ARHGEF1: variants seen among roughly 807,000 people sequenced by gnomAD.
The protein encoded by ARHGEF1 is Rho guanine nucleotide exchange factor 1.
Under a neutral mutation model 119.7 loss-of-function variants are expected in ARHGEF1, and 40 were observed. The ratio of observed to expected loss-of-function variants is 0.33; its 90% CI spans 0.26 to 0.44. The LOEUF (loss-of-function observed/expected upper bound fraction) is 0.44. Ranked by LOEUF, ARHGEF1 falls within the 20% of genes least tolerant of loss-of-function variation. The pLI is 1.00. For synonymous variants in ARHGEF1, 494 were observed against 521.0 expected, an observed-to-expected ratio of 0.95 and a Z score of 0.71; for missense variants, 976 against 1,268.3, an observed-to-expected ratio of 0.77 and a Z score of 3.50.
chr19:41,915,941 C>G (rs577804820), intron 18 of ARHGEF1, among the ~76,000 whole-genome samples: 7 of 152,122 alleles, frequency 4.6e-5, no homozygotes, highest in Non-Finnish European at 7.4e-5. Flanking sequence ...CACCCCCCTC[C>G]CCCCCGCCGG....
At position 41,888,204 on chromosome 19, in the gene ARHGEF1, C is replaced by T; in HGVS notation, c.37C>T (p.Pro13Ser). 1.2e-6 allele frequency: 2 copies of T among 1,614,158 alleles called. No homozygotes were observed. Among genetic ancestry groups the T allele is most frequent in the Non-Finnish European group, 1.7e-6 (2 of 1,180,012 alleles). The change falls in exon 3 of 29, where the codon CCC (proline) becomes TCC (serine). Residue 13 changes from proline (P) to serine (S), a missense_variant. By Grantham distance (74) the Pro-to-Ser change is moderately conservative. Around this residue, in one of 3 missense-constraint regions of ARHGEF1, gnomAD observed 519 missense variants for 580.9 expected, o/e 0.89. Coordinates refer to ENST00000354532, the MANE Select transcript of ARHGEF1 (RefSeq NM_004706.4). This position sits in a 1 kb window ranked among gnomAD's most constrained non-coding sequence, Gnocchi z 5.1. The part of the protein sequence containing the change: ...DFARGAASPG[P>S]SRPGLVPVSI... ...TCCCTTTCCACAGGCCTCCCCAGGC[C>T]CCTCCCGGCCTGGCCTGGTTCCCGT...
chr19:41,897,376 C>A, intron 13 of ARHGEF1: 1 of 1,188,566 alleles, frequency 8.4e-7, no homozygotes, highest in African/African-American at 1.6e-5. Flanking sequence ...TCCCCCATTT[C>A]TCCCAGCCCC....
chr19:41,888,788 G>A lies in ARHGEF1; in HGVS notation c.148G>A (p.Glu50Lys), dbSNP rs782796255. 6.2e-7 allele frequency: 1 copy of A among 1,614,100 alleles called. No homozygotes were observed. The highest frequency in any genetic ancestry group is 1.7e-5 in the Admixed American group (1 of 60,012). ...EEQNSQFQSLEQVKRRPAHLM... is the reference protein window; with the variant it reads ...EEQNSQFQSLKQVKRRPAHLM... The stretch of plus-strand genomic sequence containing the variant: ...GCAAAACAGCCAGTTCCAGAGCCTG[G>A]AGCAGGTGAAGCGGCGCCCAGCCCA... The change falls in exon 4 of 29, where the codon GAG becomes AAG. Residue 50 changes from glutamate to lysine, a missense_variant. Transcript: ENST00000354532. The surrounding 1 kb of genome is among the most constrained non-coding windows in gnomAD (Gnocchi z 5.1).
rs571974162 is a variant in ARHGEF1 at position 41,903,767 on chromosome 19, A to C, written c.1900A>C (p.Met634Leu). Residue 634 changes from methionine (M) to leucine (L), a missense_variant, in exon 20 of 29, where the codon ATG (methionine) becomes CTG (leucine). Coordinates refer to ENST00000354532, the MANE Select transcript of ARHGEF1 (RefSeq NM_004706.4). This position sits in a 1 kb window ranked among gnomAD's most constrained non-coding sequence, Gnocchi z 4.2. ...CCACCTTCGGCAGAGCAGCGACCCT[A>C]TGCTGAGCGAGTTCAAGGTGTGACC... ...LSHLRQSSDP[M>L]LSEFKNLDIT... 6.2e-7 allele frequency: 1 copy of C among 1,613,082 alleles called. No individual in the cohort carries two copies. Among genetic ancestry groups the C allele is most frequent in the South Asian group, 1.1e-5 (1 of 91,082 alleles).
In ARHGEF1 at chr19:41,903,639, A is replaced by G. The variant is rs2074640948; in HGVS notation, c.1840-68A>G. ...AGTTGGTCTTGGCTCTCATCTTACC[A>G]ATGTGGGTCACTGCAGGTCAGCCCC... On this transcript the variant is annotated intron_variant, in intron 19 of 28. Transcript: ENST00000354532. This position sits in a 1 kb window ranked among gnomAD's most constrained non-coding sequence, Gnocchi z 4.2. 4 of 1,533,510 alleles carry G rather than the reference A, an allele frequency of 2.6e-6. No homozygotes were observed. In the African/African-American group the frequency reaches 5.5e-5, roughly 21 times the overall value. 95.0% of individuals were successfully genotyped at this position (1,533,510 alleles called of 1,614,324 possible).
At chr19:41,921,079 G>T (rs782437181), upstream of ARHGEF1, among the ~76,000 whole-genome samples, 1 of 152,190 alleles carries the variant, frequency 6.6e-6, no homozygotes, top group Non-Finnish European at 1.5e-5. The surrounding 1 kb of genome is among the most constrained non-coding windows in gnomAD (Gnocchi z 4.4). Context: ...CCGGGGAGGT[G>T]GGAGCCGCAG....
intron 12 of ARHGEF1, 56 bp from the exon 13 acceptor site, chr19:41,896,321 G>A: frequency 1.1e-6 from 1 of 949,082 alleles, no homozygotes; most frequent in Non-Finnish European, 1.4e-6. Context: ...CCCCCAGAGT[G>A]TGGGTCTCGT....
downstream of ARHGEF1, among the ~76,000 whole-genome samples, chr19:41,909,661 C>T (rs2074741447): frequency 6.6e-6 from 1 of 152,118 alleles, no homozygotes; most frequent in Admixed American, 6.5e-5. This position sits in a 1 kb window ranked among gnomAD's most constrained non-coding sequence, Gnocchi z 5.2. Flanking sequence ...GGGGACCCTG[C>T]CCTGCAAGAC....
rs1555849148 is a variant in ARHGEF1 at position 41,902,225 on chromosome 19, A to G, written c.1415-49A>G. ...CACCACACCGCAGCAGGCCCCGCAC[A>G]GCATCTTCCAGACCCTGGTGGAGCA... On this transcript the variant is annotated intron_variant, in intron 15 of 28. Coordinates refer to ENST00000354532, the MANE Select transcript of ARHGEF1 (RefSeq NM_004706.4). The surrounding 1 kb of genome is among the most constrained non-coding windows in gnomAD (Gnocchi z 6.5). 1 of 1,609,184 alleles carries G rather than the reference A, an allele frequency of 6.2e-7. No individual in the cohort carries two copies. Among genetic ancestry groups the G allele is most frequent in the Non-Finnish European group, 8.5e-7 (1 of 1,176,196 alleles).
chr19:41,888,409 C>T lies in ARHGEF1; in HGVS notation c.111+131C>T. On this transcript the variant is annotated intron_variant, in intron 3 of 28. Transcript: ENST00000354532. This position sits in a 1 kb window ranked among gnomAD's most constrained non-coding sequence, Gnocchi z 5.1. ...TCTCATCCTCTCATCTCCCTGGTAC[C>T]TCCTTCCTCACCTCGCCGACCCCAC... The T allele has an allele frequency of 1.1e-6, 1 of 898,544 alleles. No individual in the cohort carries two copies. The highest frequency in any genetic ancestry group is 1.6e-5 in the South Asian group (1 of 62,906). The allele number at this position is 898,544 out of a possible 1,614,324, so 55.7% of individuals were successfully genotyped here.
At chr19:41,901,233 T>TCTGTCTCC (rs1195272437) in intron 14 of ARHGEF1, among the ~76,000 whole-genome samples, 1 of 151,916 alleles carries the variant, frequency 6.6e-6, no homozygotes, top group Non-Finnish European at 1.5e-5. Flanking sequence ...CACTGCAACC[T>TCTGTCTCC]CTGTCTCCCG....
Position 41,903,973 on chromosome 19 carries a change from T to TC in ARHGEF1, c.1918-58dup. 6 of 1,311,440 alleles carry TC rather than the reference T, an allele frequency of 4.6e-6. No homozygotes were observed. The highest frequency in any genetic ancestry group is 3.5e-5 in the Admixed American group (2 of 57,832). The allele number at this position is 1,311,440 out of a possible 1,614,324, so 81.2% of individuals were successfully genotyped here. A position where few individuals can be genotyped will look rare whatever the true frequency, so the allele number is the denominator to read the frequency against. On this transcript the variant is annotated intron_variant, in intron 20 of 28. Transcript: ENST00000354532. This position sits in a 1 kb window ranked among gnomAD's most constrained non-coding sequence, Gnocchi z 4.2. ...CCCGGCCACTGCCCTGCCCTTCCCC[T>TC]CCCCACCAACCCCAATCACCCCCTG... is the stretch of plus-strand genomic sequence containing the variant.
intron 18 of ARHGEF1, among the ~76,000 whole-genome samples, chr19:41,915,190 C>G (rs979033412): frequency 3.6e-5 from 5 of 138,048 alleles, no homozygotes; most frequent in African/African-American, 5.6e-5. Flanking sequence ...CTCTTCCCGA[C>G]GCTTTCAACT....
At position 41,888,970 on chromosome 19, in the gene ARHGEF1, G is replaced by A; in HGVS notation, c.225+105G>A. 1 of 922,442 alleles carries A rather than the reference G, an allele frequency of 1.1e-6. No homozygotes were observed. Among genetic ancestry groups the A allele is most frequent in the Non-Finnish European group, 1.6e-6 (1 of 614,578 alleles). The allele number at this position is 922,442 out of a possible 1,614,324, so 57.1% of individuals were successfully genotyped here. The stretch of plus-strand genomic sequence containing the variant: ...AGTGCCTGGAGGGTCTGGAAAAGCA[G>A]ATCTAGAACACAGAGAGCCAGATCT... On this transcript the variant is annotated intron_variant, in intron 4 of 28. Coordinates refer to ENST00000354532, the MANE Select transcript of ARHGEF1 (RefSeq NM_004706.4). This position sits in a 1 kb window ranked among gnomAD's most constrained non-coding sequence, Gnocchi z 5.1.
Position 41,907,117 on chromosome 19 carries a change from AAGG to A in ARHGEF1, c.*33_*35del, listed in dbSNP as rs2074715212. The A allele has an allele frequency of 2.6e-6, 4 of 1,526,174 alleles. No homozygotes were observed. In the African/African-American group the frequency reaches 5.5e-5, roughly 21 times the overall value. 94.5% of individuals were successfully genotyped at this position (1,526,174 alleles called of 1,614,324 possible). A position where few individuals can be genotyped will look rare whatever the true frequency, so the allele number is the denominator to read the frequency against. On this transcript the variant is annotated 3_prime_UTR_variant, in exon 29 of 29. Coordinates refer to ENST00000354532, the MANE Select transcript of ARHGEF1 (RefSeq NM_004706.4). ...CTACATCCCCCAGGCCTTTTGCAAG[AAGG>A]AGAGGAATGGGGGAGAGGACGTGAG...
In ARHGEF1 at chr19:41,905,508, CGT is replaced by C. The variant is rs2074678189; in HGVS notation, c.2337-248_2337-247del. On this transcript the variant is annotated intron_variant, in intron 24 of 28. Coordinates refer to ENST00000354532, the MANE Select transcript of ARHGEF1 (RefSeq NM_004706.4). The surrounding 1 kb of genome is among the most constrained non-coding windows in gnomAD (Gnocchi z 6.4). ...GTGTGTGTATGCATATGTGTGCATGCGTGTGACAGCATGTGCATGCATGTGTG... is the reference window on the plus strand; with the variant it reads ...GTGTGTGTATGCATATGTGTGCATGCGTGACAGCATGTGCATGCATGTGTG... 2.3e-5 allele frequency: 14 copies of C among 612,786 alleles called. No individual in the cohort carries two copies. The East Asian group carries it at 3.0e-4, about 13-fold the overall frequency. 38.0% of individuals were successfully genotyped at this position (612,786 alleles called of 1,614,324 possible). A position where few individuals can be genotyped will look rare whatever the true frequency, so the allele number is the denominator to read the frequency against.
chr19:41,904,115 G>A lies in ARHGEF1; in HGVS notation c.1993+5G>A. On this transcript the variant is annotated splice_donor_5th_base_variant and intron_variant, in intron 21 of 28. Coordinates refer to ENST00000354532, the MANE Select transcript of ARHGEF1 (RefSeq NM_004706.4). The surrounding 1 kb of genome is among the most constrained non-coding windows in gnomAD (Gnocchi z 8.4). Reference sequence around the variant, plus strand: ...TGACTAAGGACAAGGCAGTGGGTGAGTGCCAGAGCAGCTGCCTAGTGCAGG... The same window carrying A: ...TGACTAAGGACAAGGCAGTGGGTGAATGCCAGAGCAGCTGCCTAGTGCAGG... The A allele has an allele frequency of 3.1e-6, 5 of 1,614,220 alleles. No homozygotes were observed. Among genetic ancestry groups the A allele is most frequent in the Non-Finnish European group, 4.2e-6 (5 of 1,180,032 alleles).
upstream of ARHGEF1, among the ~76,000 whole-genome samples, chr19:41,919,205 C>T: frequency 6.6e-6 from 1 of 152,094 alleles, no homozygotes; most frequent in East Asian, 1.9e-4. Context: ...CCCACATGGA[C>T]ACACACAAAA....
downstream of ARHGEF1, among the ~76,000 whole-genome samples, chr19:41,910,762 C>T (rs1467252154): frequency 6.6e-6 from 1 of 152,146 alleles, no homozygotes; most frequent in South Asian, 2.1e-4. The surrounding 1 kb of genome is among the most constrained non-coding windows in gnomAD (Gnocchi z 4.4). Context: ...GAAGACATGT[C>T]ACACAGACAT....
Sources: gnomAD v4.1 joint callset for allele counts (sites outside exome capture counted in the v4.1 genomes callset) on GRCh38, gnomAD v4.1.1 for gene constraint, gnomAD v4.1.1 regional missense constraint, Gnocchi (gnomAD v3.1) non-coding constraint, MANE v1.5 for transcripts, NCBI Gene and HGNC (gene_info 2026-07-23, HGNC 2026-07-21) for gene names.